Variants in CC2D2B observed in about 807,000 individuals in gnomAD.
CC2D2B encodes coiled-coil and C2 domain containing 2B.
CC2D2B carries 128 observed loss-of-function variants against 161.2 expected under a neutral mutation model. That is an observed-to-expected ratio of 0.79 (90% CI 0.69 to 0.92). CC2D2B has a LOEUF of 0.92. CC2D2B is among the 40% of genes least tolerant of loss of function. The pLI is 0.00. For missense variants in CC2D2B, 1,173 were observed against 1,375.1 expected (o/e 0.85, Z 2.32); for synonymous variants, 391 against 449.8 (o/e 0.87, Z 1.65).
rs1042934890 is a variant in CC2D2B, at chr10:95,924,970, C to G, written c.240+126C>G. Reference sequence around the variant, plus strand: ...TTTCTAGTTAATTTACAGAATTGTTCAATCAATACCACAGTTTAGTTTTTA... The same window carrying G: ...TTTCTAGTTAATTTACAGAATTGTTGAATCAATACCACAGTTTAGTTTTTA... On this transcript the variant is annotated intron_variant, in intron 5 of 34. Coordinates refer to ENST00000646931, the MANE Select transcript of CC2D2B (RefSeq NM_001349008.3). 1.6e-5 allele frequency: 9 copies of G among 578,786 alleles called. No individual in the cohort carries two copies. In the Admixed American group the frequency reaches 2.2e-4, roughly 14 times the overall value. The allele number at this position is 578,786 out of a possible 1,614,324, so 35.9% of individuals were successfully genotyped here. A position where few individuals can be genotyped will look rare whatever the true frequency, so the allele number is the denominator to read the frequency against.
intron 2 of CC2D2B, 131 bp downstream of exon 2, chr10:95,911,490 A>G (rs2098506284): frequency 1.0e-5 from 2 of 196,004 alleles, no homozygotes; most frequent in Admixed American, 6.0e-5. Context: ...AAAAAAAGAA[A>G]CAATAGGAGA....
chr10:95,965,612 C>G (rs2076913612), intron 12 of CC2D2B, among the ~76,000 whole-genome samples: 1 of 152,064 alleles, frequency 6.6e-6, no homozygotes, highest in Non-Finnish European at 1.5e-5. Context: ...GTTACTTATT[C>G]TCACCAGAGG....
chr10:95,915,651 T>G (rs906505649), intron 2 of CC2D2B, among the ~76,000 whole-genome samples: 1 of 152,232 alleles, frequency 6.6e-6, no homozygotes, highest in African/African-American at 2.4e-5. Context: ...CAGCATCAAT[T>G]GAAATAATCA....
intron 6 of CC2D2B, among the ~76,000 whole-genome samples, chr10:95,935,484 ATT>A (rs58521001): frequency 4.0e-4 from 56 of 139,948 alleles, no homozygotes; most frequent in Middle Eastern, 7.5e-3. Flanking sequence ...TCTAAGACAG[ATT>A]TTTTTTTTTT....
At chr10:95,927,353 TC>T in intron 6 of CC2D2B, 21 bp downstream of exon 6, 3 of 1,254,078 alleles carry the variant, frequency 2.4e-6, no homozygotes, top group Non-Finnish European at 3.4e-6. Context: ...TTTGCCTCCC[TC>T]CCACCATCTC....
At chr10:95,980,196 A>G (rs78448961) in intron 17 of CC2D2B, among the ~76,000 whole-genome samples, 4,012 of 140,640 alleles carry the variant, frequency 0.029, 94 homozygotes, top group South Asian at 0.13. Context: ...GAAGGAAGAG[A>G]GGAAGGGAGG....
chr10:95,999,446 G>A (rs2039617), intron 24 of CC2D2B, among the ~76,000 whole-genome samples: 31,145 of 150,578 alleles, frequency 0.21, 5,304 homozygotes, highest in East Asian at 0.8. Flanking sequence ...ACTTTTGTCT[G>A]TTTTTCTTTT....
intron 2 of CC2D2B, chr10:95,919,407 C>G (rs2098522384): frequency 6.6e-6 from 1 of 152,174 alleles, no homozygotes. Flanking sequence ...CCTTGGTGGT[C>G]TTGGGAGAAG....
At chr10:95,949,680 AAT>A (rs1371360838) in intron 9 of CC2D2B, among the ~76,000 whole-genome samples, 1 of 151,984 alleles carries the variant, frequency 6.6e-6, no homozygotes, top group African/African-American at 2.4e-5. Flanking sequence ...TAAAAAAAAA[AAT>A]AGTAAGATGA....
intron 24 of CC2D2B, among the ~76,000 whole-genome samples, chr10:96,003,132 G>A (rs910391084): frequency 1.3e-5 from 2 of 151,772 alleles, no homozygotes; most frequent in Admixed American, 1.3e-4. Flanking sequence ...ATTACCTTGA[G>A]TAAGTTATTT....
At chr10:95,996,279 C>A in intron 24 of CC2D2B, 27 bp downstream of exon 24, 1 of 1,016,462 alleles carries the variant, frequency 9.8e-7, no homozygotes, top group South Asian at 1.6e-5. Flanking sequence ...TTTTCCATAG[C>A]TCCTAAAAAA....
chr10:95,983,562 T>G, intron 18 of CC2D2B, 44 bp from the exon 19 acceptor site: 1 of 986,734 alleles, frequency 1.0e-6, no homozygotes, highest in Non-Finnish European at 1.3e-6. Context: ...AATTCCTGAA[T>G]TAAAAAAAAT....
At chr10:96,031,414 C>T (rs1158664204) in intron 34 of CC2D2B, among the ~76,000 whole-genome samples, 1 of 152,214 alleles carries the variant, frequency 6.6e-6, no homozygotes, top group Non-Finnish European at 1.5e-5. Context: ...AATCCCATCA[C>T]ATAGTAGTCA....
At chr10:95,971,578 CTTGT>C (rs2077133953) in intron 15 of CC2D2B, among the ~76,000 whole-genome samples, 1 of 152,102 alleles carries the variant, frequency 6.6e-6, no homozygotes, top group Admixed American at 6.6e-5. Flanking sequence ...ACTCCCATAG[CTTGT>C]TTAACTCATC....
At chr10:95,966,664 G>A (rs549901422) in intron 14 of CC2D2B, among the ~76,000 whole-genome samples, 79 of 151,996 alleles carry the variant, frequency 5.2e-4, no homozygotes, top group African/African-American at 1.3e-3. Context: ...AGTAATTTTC[G>A]TTCAGGTATA....
Position 96,033,707 on chromosome 10 carries a change from G to A in CC2D2B, c.*1699G>A, listed in dbSNP as rs2080126456. On this transcript the variant is annotated 3_prime_UTR_variant, in exon 35 of 35. Transcript: ENST00000646931. ...TTTTTATATTGTATCCTTTTTACATGAGTGTTACTTTTTCAATTAAATTTT... is the reference window on the plus strand; with the variant it reads ...TTTTTATATTGTATCCTTTTTACATAAGTGTTACTTTTTCAATTAAATTTT... 6.6e-6 allele frequency among the ~76,000 whole-genome samples: 1 copy of A among 152,286 alleles called. No individual in the cohort carries two copies. The highest frequency in any genetic ancestry group is 1.5e-5 in the Non-Finnish European group (1 of 68,022).
intron 6 of CC2D2B, among the ~76,000 whole-genome samples, chr10:95,934,423 C>T (rs1184915199): frequency 6.8e-6 from 1 of 146,066 alleles, no homozygotes; most frequent in African/African-American, 2.5e-5. Flanking sequence ...GCGTTCCAGG[C>T]ACCACTGGGG....
At position 95,982,118 on chromosome 10, in the gene CC2D2B, G is replaced by C. The variant is rs896514622; in HGVS notation, c.2082+5G>C. On this transcript the variant is annotated splice_donor_5th_base_variant and intron_variant, in intron 18 of 34. Coordinates refer to ENST00000646931, the MANE Select transcript of CC2D2B (RefSeq NM_001349008.3). The stretch of plus-strand genomic sequence containing the variant: ...GATTTAATGGAATCTGTTACGGTAA[G>C]TTAAAGCAAATATCAATACTGTAAA... 1.1e-5 allele frequency: 13 copies of C among 1,223,012 alleles called. No homozygotes were observed. The highest frequency in any genetic ancestry group is 4.1e-5 in the South Asian group (1 of 24,116). 75.8% of individuals were successfully genotyped at this position (1,223,012 alleles called of 1,614,324 possible).
chr10:95,939,922 G>A, intron 9 of CC2D2B, among the ~76,000 whole-genome samples: 1 of 152,036 alleles, frequency 6.6e-6, no homozygotes, highest in Non-Finnish European at 1.5e-5. Context: ...GTCTGTATTA[G>A]TCCATTCTCA....
Sources: gnomAD v4.1 joint callset for allele counts (sites outside exome capture counted in the v4.1 genomes callset) on GRCh38, gnomAD v4.1.1 for gene constraint, MANE v1.5 for transcripts, NCBI Gene and HGNC (gene_info 2026-07-23, HGNC 2026-07-21) for gene names.